The following BNC2 variants were observed in gnomAD, a reference collection of about 807,000 sequenced individuals.
BNC2 encodes the protein zinc finger protein basonuclin-2.
In BNC2, 20 loss-of-function variants were observed where a neutral mutation model predicts 76.3. That is an observed-to-expected ratio of 0.26 (90% CI 0.18 to 0.38). The LOEUF is 0.38. Ranked by LOEUF, BNC2 falls within the 10% of genes least tolerant of loss-of-function variation. BNC2 has a pLI of 1.00. For synonymous variants in BNC2, 582 were observed against 514.8 expected, an observed-to-expected ratio of 1.13 and a Z score of -1.77; for missense variants, 1,382 against 1,399.8, an observed-to-expected ratio of 0.99 and a Z score of 0.20.
rs573808313 is a variant in BNC2 at position 16,621,699 on chromosome 9, T to C, written c.331-38614A>G. On this transcript the variant is annotated intron_variant, in intron 3 of 6. Transcript: ENST00000380672. Reference sequence around the variant, plus strand: ...GTGTCTAGACCTAAGCCATCCAATATGGTAGCCACTAGCCACATGTGGGTA... The same window carrying C: ...GTGTCTAGACCTAAGCCATCCAATACGGTAGCCACTAGCCACATGTGGGTA... Among the ~76,000 whole-genome samples the C allele has an allele frequency of 2.6e-3, 393 of 152,238 alleles. 2 individuals are homozygous for C. Among genetic ancestry groups the C allele is most frequent in the African/African-American group, 9.0e-3 (372 of 41,556 alleles).
At chr9:16,463,307 T>TTC (rs1216807693) in intron 5 of BNC2, among the ~76,000 whole-genome samples, 1 of 141,556 alleles carries the variant, frequency 7.1e-6, no homozygotes, top group East Asian at 2.0e-4. Context: ...TTTTTTTTTT[T>TTC]TTTTTTTGAG....
intron 1 of BNC2, among the ~76,000 whole-genome samples, chr9:16,780,856 T>G (rs1237931594): frequency 6.6e-6 from 1 of 152,148 alleles, no homozygotes; most frequent in Non-Finnish European, 1.5e-5. Flanking sequence ...AAAAAATGTT[T>G]ACTTTACCTA....
intron 5 of BNC2, among the ~76,000 whole-genome samples, chr9:16,503,727 G>C (rs1247384184): frequency 6.6e-6 from 1 of 152,100 alleles, no homozygotes; most frequent in Non-Finnish European, 1.5e-5. Flanking sequence ...GTTTACTCAA[G>C]TTTTTCTTTG....
At chr9:16,609,905 G>GACAAT (rs1248538362) in intron 3 of BNC2, among the ~76,000 whole-genome samples, 2 of 151,930 alleles carry the variant, frequency 1.3e-5, no homozygotes, top group Non-Finnish European at 2.9e-5. Context: ...TGACTGAATT[G>GACAAT]ACAATAGAAG....
intron 5 of BNC2, among the ~76,000 whole-genome samples, chr9:16,449,795 G>A (rs996503210): frequency 7.0e-6 from 1 of 142,460 alleles, no homozygotes; most frequent in African/African-American, 2.5e-5. Flanking sequence ...GGAAATGGGG[G>A]TGAATGGGAG....
At position 16,484,875 on chromosome 9, in the gene BNC2, T is replaced by G. The variant is rs902798358; in HGVS notation, c.670-47351A>C. ...AGAGGGGAAGACCAATGACAAGTGA[T>G]GGGGGAGATTACTAATAGGCATTGT... On this transcript the variant is annotated intron_variant, in intron 5 of 6. Transcript: ENST00000380672. Among the ~76,000 whole-genome samples, 4 of 152,212 alleles carry G rather than the reference T, an allele frequency of 2.6e-5. 1 individual carries two copies. The South Asian group carries it at 8.3e-4, about 32-fold the overall frequency.
intron 3 of BNC2, among the ~76,000 whole-genome samples, chr9:16,596,729 C>T (rs1406277703): frequency 6.6e-6 from 1 of 152,112 alleles, no homozygotes; most frequent in Non-Finnish European, 1.5e-5. Context: ...GCAACTTCTG[C>T]CCTCTCTAGA....
At position 16,411,519 on chromosome 9, in the gene BNC2, T is replaced by A. The variant is rs1392155930; in HGVS notation, c.*7470A>T. ...TATCAGCGAGCAGAACTTGTGCAAT[T>A]TTGGCAACTGGTTTTTCAATTAGGA... On this transcript the variant is annotated 3_prime_UTR_variant, in exon 7 of 7. Coordinates refer to ENST00000380672, the MANE Select transcript of BNC2 (RefSeq NM_017637.6). 2 of 152,624 alleles carry A rather than the reference T, an allele frequency of 1.3e-5. No individual in the cohort carries two copies. Among genetic ancestry groups the A allele is most frequent in the Non-Finnish European group, 2.9e-5 (2 of 68,036 alleles). 9.5% of individuals were successfully genotyped at this position (152,624 alleles called of 1,614,324 possible). A position where few individuals can be genotyped will look rare whatever the true frequency, so the allele number is the denominator to read the frequency against.
At chr9:16,421,267 G>T in intron 6 of BNC2, 1 of 1,300,538 alleles carries the variant, frequency 7.7e-7, no homozygotes, top group Non-Finnish European at 1.0e-6. Context: ...CTTACCTTGT[G>T]ACAATAAGAT....
chr9:16,697,082 C>T (rs999772157), intron 3 of BNC2, among the ~76,000 whole-genome samples: 1 of 152,144 alleles, frequency 6.6e-6, no homozygotes, highest in African/African-American at 2.4e-5. Context: ...AAGAGTGTGC[C>T]GTGCACGGTG....
chr9:16,846,338 C>A (rs899115850), intron 1 of BNC2, among the ~76,000 whole-genome samples: 4 of 152,152 alleles, frequency 2.6e-5, no homozygotes, highest in African/African-American at 9.7e-5. Context: ...AATCTTTTCA[C>A]TATTTCCTTA....
chr9:16,462,362 T>C (rs902199630), intron 5 of BNC2, among the ~76,000 whole-genome samples: 9 of 152,158 alleles, frequency 5.9e-5, no homozygotes, highest in Admixed American at 6.5e-5. Flanking sequence ...CCCCAACTTT[T>C]ATATTGAGAT....
In BNC2 at chr9:16,812,161, G is replaced by C. The variant is rs571626398; in HGVS notation, c.3+58485C>G. Among the ~76,000 whole-genome samples the C allele has an allele frequency of 1.4e-4, 21 of 152,362 alleles. No individual in the cohort carries two copies. In the South Asian group the frequency reaches 4.1e-3, roughly 30 times the overall value. On this transcript the variant is annotated intron_variant, in intron 1 of 6. Transcript: ENST00000380672. The stretch of plus-strand genomic sequence containing the variant: ...CAGAACTAAGACTGAAGAGGGCACA[G>C]ATCCTCAGTCTCTGGGTTTCTGAAG...
intron 5 of BNC2, among the ~76,000 whole-genome samples, chr9:16,485,759 T>C (rs1171949903): frequency 6.6e-6 from 1 of 151,918 alleles, no homozygotes. Flanking sequence ...TAGTGAGCTG[T>C]TACCACACCA....
chr9:16,770,998 C>T (rs889439379), intron 1 of BNC2, among the ~76,000 whole-genome samples: 1 of 152,068 alleles, frequency 6.6e-6, no homozygotes, highest in Non-Finnish European at 1.5e-5. Flanking sequence ...TGGCGAAACC[C>T]CTCTCTACTA....
At chr9:16,783,456 G>A (rs1350187754) in intron 1 of BNC2, among the ~76,000 whole-genome samples, 1 of 152,152 alleles carries the variant, frequency 6.6e-6, no homozygotes, top group East Asian at 1.9e-4. Flanking sequence ...AATCACAATG[G>A]TTTATGCTTA....
intron 1 of BNC2, among the ~76,000 whole-genome samples, chr9:16,781,909 T>G (rs1826164011): frequency 6.6e-6 from 1 of 152,046 alleles, no homozygotes; most frequent in Non-Finnish European, 1.5e-5. Flanking sequence ...AAACCAAAGA[T>G]GGAAAGGAGA....
intron 3 of BNC2, among the ~76,000 whole-genome samples, chr9:16,680,153 T>C (rs1822779522): frequency 6.6e-6 from 1 of 152,200 alleles, no homozygotes; most frequent in Non-Finnish European, 1.5e-5. Context: ...TTTTGGCAAC[T>C]TGTGGTAAAT....
Position 16,545,176 on chromosome 9 carries a change from G to A in BNC2, c.669+7354C>T, listed in dbSNP as rs141673193. Among the ~76,000 whole-genome samples, 27 of 152,298 alleles carry A rather than the reference G, an allele frequency of 1.8e-4. No individual in the cohort carries two copies. In the East Asian group the frequency reaches 5.0e-3, roughly 28 times the overall value. ...TGTATTATTTATTGATAATTAAATA[G>A]TAGCTGCTCTTTTTCTCTACTGGTT... On this transcript the variant is annotated intron_variant, in intron 5 of 6. Transcript: ENST00000380672.
Sources: allele counts gnomAD v4.1 joint callset (sites outside exome capture counted in the v4.1 genomes callset), GRCh38; gene constraint gnomAD v4.1.1; transcripts MANE v1.5; gene names NCBI Gene and HGNC (gene_info 2026-07-23, HGNC 2026-07-21).